The following PIK3R5 variants were observed in gnomAD, a reference collection of about 807,000 sequenced individuals.
PIK3R5 encodes phosphoinositide 3-kinase regulatory subunit 5.
Under a neutral mutation model 94.9 loss-of-function variants are expected in PIK3R5, and 32 were observed. The observed-to-expected ratio is 0.34, with a 90% CI of 0.25 to 0.45. PIK3R5 has a LOEUF of 0.45. Ranked by LOEUF, PIK3R5 falls within the 20% of genes least tolerant of loss-of-function variation. The pLI is 1.00. For missense variants in PIK3R5, 853 were observed against 1,144.6 expected, an observed-to-expected ratio of 0.75 and a Z score of 3.68; for synonymous variants, 443 against 479.4, an observed-to-expected ratio of 0.92 and a Z score of 0.99.
Position 8,880,779 on chromosome 17 carries a change from C to T in PIK3R5, c.2503G>A (p.Val835Ile). 6.2e-7 allele frequency: 1 copy of T among 1,613,460 alleles called. No homozygotes were observed. The highest frequency in any genetic ancestry group is 1.1e-5 in the South Asian group (1 of 90,996). ...TTCTCTGGCTTGTAGCACGGTGAGA[C>T]CTCACATCTGTGCAGCAGGGCAGGG... is the stretch of plus-strand genomic sequence containing the variant. ...KILQSVVRCE[V>I]SPCYKPEKSD... Residue 835 changes from valine (V) to isoleucine (I), a missense_variant, in exon 19 of 19, where the codon GTC becomes ATC. Val to Ile is a conservative substitution (Grantham distance 29). Coordinates refer to ENST00000447110, the MANE Select transcript of PIK3R5 (RefSeq NM_001142633.3).
At chr17:8,964,225 C>G (rs2091621334) in intron 1 of PIK3R5, among the ~76,000 whole-genome samples, 1 of 152,046 alleles carries the variant, frequency 6.6e-6, no homozygotes, top group East Asian at 1.9e-4. Context: ...AACCCTGCCT[C>G]TACAAAAAAT....
chr17:8,912,765 G>C (rs935000448), intron 1 of PIK3R5, among the ~76,000 whole-genome samples: 29 of 152,248 alleles, frequency 1.9e-4, no homozygotes, highest in African/African-American at 6.8e-4. Context: ...TGCGCGGCTA[G>C]AGTATTCAGC....
intron 1 of PIK3R5, chr17:8,916,908 G>C (rs1278286188): frequency 2.0e-5 from 3 of 152,382 alleles, no homozygotes; most frequent in Non-Finnish European, 4.4e-5. Flanking sequence ...GGGCCTCCAG[G>C]TTCTGGCTGG....
At position 8,887,628 on chromosome 17, in the gene PIK3R5, A is replaced by G; in HGVS notation, c.1672T>C (p.Tyr558His). ...LTRFFKLQFF[Y>H]VPVKRSHGTS... ...CCATGACTTCGCTTCACAGGCACGT[A>G]GAAGAACTGAAGTTTGAAGAACCGT... Residue 558 changes from tyrosine (Y) to histidine (H), a missense_variant, in exon 11 of 19, where the codon TAC becomes CAC. Tyr to His is a moderately conservative substitution (Grantham distance 83). This residue lies in a region of PIK3R5 where 319 missense variants were observed against 339.8 expected (regional missense o/e 0.94). Transcript: ENST00000447110. 6.2e-7 allele frequency: 1 copy of G among 1,610,036 alleles called. No individual in the cohort carries two copies. Among genetic ancestry groups the G allele is most frequent in the East Asian group, 2.2e-5 (1 of 44,776 alleles).
chr17:8,890,022 C>T lies in PIK3R5; in HGVS notation c.762G>A (p.Arg254=). The change falls in exon 8 of 19, where the codon AGG becomes AGA. Residue 254 remains arginine (R), a synonymous_variant. Coordinates refer to ENST00000447110, the MANE Select transcript of PIK3R5 (RefSeq NM_001142633.3). This position sits in a 1 kb window ranked among gnomAD's most constrained non-coding sequence, Gnocchi z 6.1. ...GDAAEARRWL[R]TKLQAVGEKA... ...TTTCTCCCACCGCCTGCAGCTTGGT[C>T]CTGAGCCACCGCCGGGCCTCTGCAG... 3 of 1,614,028 alleles carry T rather than the reference C, an allele frequency of 1.9e-6. No homozygotes were observed. In the South Asian group the frequency reaches 3.3e-5, roughly 18 times the overall value.
At chr17:8,915,154 T>G (rs1442091574) in intron 1 of PIK3R5, among the ~76,000 whole-genome samples, 1 of 152,142 alleles carries the variant, frequency 6.6e-6, no homozygotes. Context: ...AGAGGTAGGC[T>G]AGGCATGTCT....
At chr17:8,891,973 T>A (rs2090037242) in intron 6 of PIK3R5, among the ~76,000 whole-genome samples, 1 of 152,084 alleles carries the variant, frequency 6.6e-6, no homozygotes, top group East Asian at 1.9e-4. Flanking sequence ...TCACTCTGTT[T>A]ACAGTTAACA....
At chr17:8,962,786 T>G (rs1038459903) in intron 1 of PIK3R5, among the ~76,000 whole-genome samples, 3 of 152,240 alleles carry the variant, frequency 2.0e-5, no homozygotes, top group African/African-American at 7.2e-5. Context: ...TTCAAATTGA[T>G]GAAATATTTT....
Position 8,890,678 on chromosome 17 carries a change from G to A in PIK3R5, c.657+60C>T. 3.5e-6 allele frequency: 5 copies of A among 1,418,356 alleles called. No homozygotes were observed. The highest frequency in any genetic ancestry group is 4.8e-6 in the Non-Finnish European group (5 of 1,036,130). The allele number at this position is 1,418,356 out of a possible 1,614,324, so 87.9% of individuals were successfully genotyped here. On this transcript the variant is annotated intron_variant, in intron 7 of 18. Coordinates refer to ENST00000447110, the MANE Select transcript of PIK3R5 (RefSeq NM_001142633.3). This position sits in a 1 kb window ranked among gnomAD's most constrained non-coding sequence, Gnocchi z 6.1. The stretch of plus-strand genomic sequence containing the variant: ...GAGACCGTGGCTGAGATGAAGCAGG[G>A]AGAGGGTGCTACCTCCTCAGAGAGG...
In PIK3R5 at chr17:8,889,327, C is replaced by G. The variant is rs779389925; in HGVS notation, c.812-105G>C. The G allele has an allele frequency of 7.4e-6, 6 of 806,904 alleles. No homozygotes were observed. Among genetic ancestry groups the G allele is most frequent in the Non-Finnish European group, 2.0e-6 (1 of 503,110 alleles). 50.0% of individuals were successfully genotyped at this position (806,904 alleles called of 1,614,324 possible). A position where few individuals can be genotyped will look rare whatever the true frequency, so the allele number is the denominator to read the frequency against. On this transcript the variant is annotated intron_variant, in intron 8 of 18. Transcript: ENST00000447110. The surrounding 1 kb of genome is among the most constrained non-coding windows in gnomAD (Gnocchi z 4.1). ...GAAGAGACCAGAGATGGGACAGGAT[C>G]GGCACAAGGATATGTAGCTGGATAG... is the stretch of plus-strand genomic sequence containing the variant.
Position 8,925,425 on chromosome 17 carries a change from T to A in PIK3R5, c.-13-13918A>T. On this transcript the variant is annotated intron_variant, in intron 1 of 18. Transcript: ENST00000447110. The surrounding 1 kb of genome is among the most constrained non-coding windows in gnomAD (Gnocchi z 5.1). ...AGATAGTAGATGGATAGGTAGATAG[T>A]AGATGGAGAGATAGATAGTAGATGG... is the stretch of plus-strand genomic sequence containing the variant. 6.8e-6 allele frequency among the ~76,000 whole-genome samples: 1 copy of A among 148,054 alleles called. No homozygotes were observed. Among genetic ancestry groups the A allele is most frequent in the East Asian group, 2.0e-4 (1 of 5,036 alleles).
At position 8,892,502 on chromosome 17, in the gene PIK3R5, G is replaced by A. The variant is rs1342984447; in HGVS notation, c.482+1084C>T. Among the ~76,000 whole-genome samples, 1 of 151,962 alleles carries A rather than the reference G, an allele frequency of 6.6e-6. No homozygotes were observed. The highest frequency in any genetic ancestry group is 2.1e-4 in the South Asian group (1 of 4,804). ...CTTATGTGAAAAATCCCTTTCTCACGGGGTTAACGTGAGGATTAAATGAGT... is the reference window on the plus strand; with the variant it reads ...CTTATGTGAAAAATCCCTTTCTCACAGGGTTAACGTGAGGATTAAATGAGT... On this transcript the variant is annotated intron_variant, in intron 6 of 18. Transcript: ENST00000447110. This position sits in a 1 kb window ranked among gnomAD's most constrained non-coding sequence, Gnocchi z 4.3.
chr17:8,881,910 G>A lies in PIK3R5; in HGVS notation c.2206-29C>T. The A allele has an allele frequency of 7.0e-6, 11 of 1,564,062 alleles. No individual in the cohort carries two copies. Among genetic ancestry groups the A allele is most frequent in the Non-Finnish European group, 9.7e-6 (11 of 1,138,940 alleles). On this transcript the variant is annotated intron_variant, in intron 15 of 18. Transcript: ENST00000447110. This position sits in a 1 kb window ranked among gnomAD's most constrained non-coding sequence, Gnocchi z 4.8. ...GAAATGCAGTGTAGCCAGACCCTCT[G>A]AGTCCAGAGGCCCCGGTGCCTGCTG...
At chr17:8,885,560 A>T (rs597282) in intron 14 of PIK3R5, among the ~76,000 whole-genome samples, 1 of 84,930 alleles carries the variant, frequency 1.2e-5, no homozygotes, top group Non-Finnish European at 2.4e-5. Context: ...TGCCTCCCCA[A>T]GGCCCCACCT....
intron 1 of PIK3R5, among the ~76,000 whole-genome samples, chr17:8,965,030 C>CA (rs1555556517): frequency 2.3e-4 from 35 of 151,492 alleles, no homozygotes; most frequent in African/African-American, 8.3e-4. Flanking sequence ...CACACACACA[C>CA]GAGTCACGCG....
intron 1 of PIK3R5, among the ~76,000 whole-genome samples, chr17:8,930,600 C>A (rs1597413802): frequency 2.0e-5 from 3 of 152,194 alleles, no homozygotes; most frequent in Admixed American, 6.5e-5. Context: ...TCAAAATGGC[C>A]AAAAACTGAA....
rs370764427 is a variant in PIK3R5, at chr17:8,886,386, A to G, written c.2035-64T>C. 47 of 1,602,856 alleles carry G rather than the reference A, an allele frequency of 2.9e-5. No homozygotes were observed. In the East Asian group the frequency reaches 5.8e-4, roughly 20 times the overall value. On this transcript the variant is annotated intron_variant, in intron 13 of 18. Coordinates refer to ENST00000447110, the MANE Select transcript of PIK3R5 (RefSeq NM_001142633.3). ...CTGGAGGGGCCCATTTGGCTCCTCC[A>G]GCATAGACCTGCTGGCTCTCCCGGG...
At chr17:8,950,413 G>A (rs1257721508) in intron 1 of PIK3R5, among the ~76,000 whole-genome samples, 4 of 152,158 alleles carry the variant, frequency 2.6e-5, no homozygotes. Flanking sequence ...AGTGAGCACA[G>A]TACTCAATAG....
rs187351665 is a variant in PIK3R5, at chr17:8,899,855, T to C, written c.412+4922A>G. 1.6e-3 allele frequency among the ~76,000 whole-genome samples: 236 copies of C among 152,218 alleles called. 1 individual carries two copies. The highest frequency in any genetic ancestry group is 5.2e-3 in the African/African-American group (218 of 41,526). The stretch of plus-strand genomic sequence containing the variant: ...GAGTTCGAGACCAGCCTGGCCAATA[T>C]GGTGAAACCCCGTCTCTACTAAAAA... On this transcript the variant is annotated intron_variant, in intron 5 of 18. Coordinates refer to ENST00000447110, the MANE Select transcript of PIK3R5 (RefSeq NM_001142633.3).
Sources: allele counts gnomAD v4.1 joint callset (sites outside exome capture counted in the v4.1 genomes callset), GRCh38; gene constraint gnomAD v4.1.1; regional missense constraint gnomAD v4.1.1; non-coding constraint Gnocchi (gnomAD v3.1); transcripts MANE v1.5; gene names NCBI Gene and HGNC (gene_info 2026-07-23, HGNC 2026-07-21).